The following TAMM41 variants were observed in gnomAD, a reference collection of about 807,000 sequenced individuals.
TAMM41 encodes the protein phosphatidate cytidylyltransferase, mitochondrial.
In TAMM41, 36 loss-of-function variants were observed where a neutral mutation model predicts 44.1. The observed-to-expected ratio is 0.82, with a 90% CI of 0.63 to 1.08. The LOEUF is 1.08. Among genes scored for constraint, TAMM41 ranks in the 50% least tolerant of loss-of-function variants. The probability of loss-of-function intolerance (pLI) is 0.00; values close to 1 mark genes in which losing one functional copy is unlikely to be tolerated. For synonymous variants in TAMM41, 164 were observed against 153.1 expected (o/e 1.07, Z -0.53); for missense variants, 417 against 404.3 (o/e 1.03, Z -0.27).
At chr3:11,734,160 G>A in the TAMM41 span, among the ~76,000 whole-genome samples, 1 of 152,164 alleles carries the variant, frequency 6.6e-6, no homozygotes, top group African/African-American at 2.4e-5. Context: ...GGCCTTTGGT[G>A]GCCAGCTGGT....
At chr3:11,743,165 C>A in the TAMM41 span, among the ~76,000 whole-genome samples, 2 of 151,640 alleles carry the variant, frequency 1.3e-5, no homozygotes, top group South Asian at 2.1e-4. Context: ...TGGAGGTTTG[C>A]GTGTCCATGT....
At chr3:11,827,492 A>G (rs1166511742) in intron 4 of TAMM41, among the ~76,000 whole-genome samples, 1 of 151,772 alleles carries the variant, frequency 6.6e-6, no homozygotes, top group South Asian at 2.1e-4. Context: ...GTATTTTAGT[A>G]GAGATGGAGT....
intron 5 of TAMM41, among the ~76,000 whole-genome samples, chr3:11,814,845 C>T (rs2078222509): frequency 2.0e-5 from 3 of 152,072 alleles, no homozygotes; most frequent in Admixed American, 2.0e-4. Flanking sequence ...CCTGTAGTCC[C>T]AGTAGTTACT....
At chr3:11,755,370 A>G in the TAMM41 span, among the ~76,000 whole-genome samples, 1 of 152,174 alleles carries the variant, frequency 6.6e-6, no homozygotes, top group African/African-American at 2.4e-5. Flanking sequence ...CTTGTGGGGA[A>G]GGAATGCGGA....
the TAMM41 span, among the ~76,000 whole-genome samples, chr3:11,753,786 G>C: frequency 6.6e-6 from 1 of 151,988 alleles, no homozygotes; most frequent in Non-Finnish European, 1.5e-5. Flanking sequence ...ATGAACTCCA[G>C]GAGGAGCAGA....
chr3:11,794,907 A>G (rs1343123282), intron 7 of TAMM41, among the ~76,000 whole-genome samples: 10 of 152,212 alleles, frequency 6.6e-5, no homozygotes, highest in Admixed American at 6.5e-4. Context: ...CCATAAGCAG[A>G]TATATCGACA....
the TAMM41 span, among the ~76,000 whole-genome samples, chr3:11,766,147 T>G: frequency 2.0e-5 from 3 of 152,144 alleles, no homozygotes; most frequent in African/African-American, 7.2e-5. Context: ...GACATGCTAC[T>G]GCTGGGAAAT....
chr3:11,834,003 G>A (rs1264181525), intron 3 of TAMM41, among the ~76,000 whole-genome samples: 1 of 152,176 alleles, frequency 6.6e-6, no homozygotes, highest in African/African-American at 2.4e-5. Context: ...AGCACTTTGA[G>A]AGGTTGAGGC....
At chr3:11,734,063 G>A in the TAMM41 span, among the ~76,000 whole-genome samples, 16 of 152,150 alleles carry the variant, frequency 1.1e-4, no homozygotes, top group Non-Finnish European at 1.6e-4. Context: ...CCAGTCACAT[G>A]GCCTCACTGA....
the TAMM41 span, among the ~76,000 whole-genome samples, chr3:11,732,240 C>G: frequency 6.6e-6 from 1 of 152,038 alleles, no homozygotes; most frequent in Non-Finnish European, 1.5e-5. Context: ...CATCCTTTTG[C>G]TCTCTTCTTT....
intron 5 of TAMM41, 104 bp downstream of exon 5, chr3:11,817,088 C>A: frequency 8.0e-7 from 1 of 1,253,646 alleles, no homozygotes; most frequent in Non-Finnish European, 1.1e-6. Flanking sequence ...ACTTTTTAAA[C>A]TATAAATGTT....
chr3:11,836,224 CA>C (rs928376491), intron 3 of TAMM41, among the ~76,000 whole-genome samples: 1 of 152,130 alleles, frequency 6.6e-6, no homozygotes, highest in African/African-American at 2.4e-5. Flanking sequence ...CTCTTGGCCT[CA>C]AGTGATCTGT....
At chr3:11,808,375 G>A in intron 6 of TAMM41, 1 of 998,658 alleles carries the variant, frequency 1.0e-6, no homozygotes, top group Non-Finnish European at 1.2e-6. Flanking sequence ...CCAGGATCAT[G>A]TTCAAACAAA....
the TAMM41 span, among the ~76,000 whole-genome samples, chr3:11,761,807 C>A: frequency 6.6e-6 from 1 of 151,710 alleles, no homozygotes; most frequent in Non-Finnish European, 1.5e-5. Context: ...ATTAGCCGTG[C>A]GTGGTGGCGA....
At chr3:11,774,588 G>C in the TAMM41 span, among the ~76,000 whole-genome samples, 1 of 152,148 alleles carries the variant, frequency 6.6e-6, no homozygotes, top group African/African-American at 2.4e-5. Flanking sequence ...GGTTTGTCTT[G>C]GTCTATTTGG....
chr3:11,804,094 G>A (rs1000427415), intron 7 of TAMM41, among the ~76,000 whole-genome samples: 6 of 152,148 alleles, frequency 3.9e-5, no homozygotes, highest in African/African-American at 7.2e-5. Context: ...AAAAGTGAAG[G>A]GGAAGCAAGC....
chr3:11,756,875 A>AAG, the TAMM41 span, among the ~76,000 whole-genome samples: 10 of 151,934 alleles, frequency 6.6e-5, no homozygotes, highest in South Asian at 2.1e-4. Flanking sequence ...CAAAAAAAAA[A>AAG]AAAAGAAAAA....
chr3:11,728,745 A>T, the TAMM41 span, among the ~76,000 whole-genome samples: 1 of 152,198 alleles, frequency 6.6e-6, no homozygotes, highest in East Asian at 1.9e-4. Flanking sequence ...ACGGTAACTC[A>T]CGCCTGAAAT....
intron 7 of TAMM41, among the ~76,000 whole-genome samples, chr3:11,794,653 T>G (rs1205537522): frequency 6.6e-6 from 1 of 152,196 alleles, no homozygotes; most frequent in East Asian, 1.9e-4. Flanking sequence ...TATGGCTCCT[T>G]AGGTTTCTCT....
Sources: allele counts gnomAD v4.1 joint callset (sites outside exome capture counted in the v4.1 genomes callset), GRCh38; gene constraint gnomAD v4.1.1; transcripts MANE v1.5; gene names NCBI Gene and HGNC (gene_info 2026-07-23, HGNC 2026-07-21).